The following NYNRIN variants were observed in gnomAD, a reference collection of about 807,000 sequenced individuals.
NYNRIN encodes the protein protein NYNRIN.
In NYNRIN, 86 loss-of-function variants were observed where a neutral mutation model predicts 146.6. That is an observed-to-expected ratio of 0.59 (90% CI 0.49 to 0.70). The LOEUF is 0.70. NYNRIN is among the 30% of genes least tolerant of loss of function. The pLI is 0.00. For synonymous variants in NYNRIN, 1,027 were observed against 1,001.3 expected, an observed-to-expected ratio of 1.03 and a Z score of -0.48; for missense variants, 2,191 against 2,377.7, an observed-to-expected ratio of 0.92 and a Z score of 1.63.
In NYNRIN at chr14:24,415,458, C is replaced by T. The variant is rs996683229; in HGVS notation, c.3709C>T (p.Arg1237Trp). The T allele has an allele frequency of 8.1e-6, 13 of 1,613,780 alleles. No individual in the cohort carries two copies. The highest frequency in any genetic ancestry group is 1.0e-5 in the Non-Finnish European group (12 of 1,179,866). ...PVVLDLSYAS[R>W]TTADPEVREG... Reference sequence around the variant, plus strand: ...GGTCCTGGACCTTTCCTATGCCTCCCGGACCACTGCGGACCCTGAGGTGCG... The same window carrying T: ...GGTCCTGGACCTTTCCTATGCCTCCTGGACCACTGCGGACCCTGAGGTGCG... Residue 1237 changes from arginine (R) to tryptophan (W), a missense_variant, in exon 9 of 9, where the codon CGG becomes TGG. Around this residue, in one of 3 missense-constraint regions of NYNRIN, gnomAD observed 1,291 missense variants for 1,417.0 expected, o/e 0.91. Coordinates refer to ENST00000382554, the MANE Select transcript of NYNRIN (RefSeq NM_025081.3).
Position 24,418,955 on chromosome 14 carries a change from C to T in NYNRIN, c.*1509C>T, listed in dbSNP as rs1018260228. On this transcript the variant is annotated 3_prime_UTR_variant, in exon 9 of 9. Coordinates refer to ENST00000382554, the MANE Select transcript of NYNRIN (RefSeq NM_025081.3). ...TGGAGAATCCTTCAAAATGCTACAC[C>T]CACATTCTCTCCAACTCTTCATCTC... 1.3e-5 allele frequency: 2 copies of T among 152,192 alleles called. No homozygotes were observed. The highest frequency in any genetic ancestry group is 2.4e-5 in the African/African-American group (1 of 41,428). The allele number at this position is 152,192 out of a possible 1,614,324, so 9.4% of individuals were successfully genotyped here.
At chr14:24,410,251 C>G in intron 4 of NYNRIN, 43 bp downstream of exon 4, 2 of 1,493,326 alleles carry the variant, frequency 1.3e-6, no homozygotes, top group South Asian at 1.3e-5. Flanking sequence ...ATGCTGTGGA[C>G]CTGGGGCAGG....
chr14:24,399,800 C>T (rs889878254), intron 2 of NYNRIN, among the ~76,000 whole-genome samples: 16 of 152,320 alleles, frequency 1.1e-4, no homozygotes, highest in African/African-American at 3.6e-4. Context: ...CAACTCAAGG[C>T]GCTGTATTTC....
In NYNRIN at chr14:24,409,829, A is replaced by C. The variant is rs868791706; in HGVS notation, c.2035A>C (p.Lys679Gln). The C allele has an allele frequency of 2.0e-5, 32 of 1,613,410 alleles. No individual in the cohort carries two copies. Among genetic ancestry groups the C allele is most frequent in the Middle Eastern group, 3.3e-4 (2 of 6,082 alleles). Residue 679 changes from lysine to glutamine, a missense_variant, in exon 4 of 9, where the codon AAA becomes CAA. Transcript: ENST00000382554. ...PVTPRVSRAP[K>Q]TPAAQKVPTD... is the part of the protein sequence containing the mutation. ...GACCCCCAGAGTCTCCAGAGCTCCC[A>C]AAACACCTGCAGCTCAGAAGGTGCC...
At chr14:24,412,711 C>T (rs946583223) in intron 6 of NYNRIN, 2 of 279,650 alleles carry the variant, frequency 7.2e-6, no homozygotes, top group Non-Finnish European at 1.4e-5. Flanking sequence ...TGTGTCTGTG[C>T]TTGTCTATGT....
chr14:24,407,319 A>G (rs369876350), intron 2 of NYNRIN, among the ~76,000 whole-genome samples: 3 of 152,222 alleles, frequency 2.0e-5, no homozygotes, highest in African/African-American at 4.8e-5. Context: ...CCAATGAGGC[A>G]GGAACTATTA....
chr14:24,409,727 G>A lies in NYNRIN; in HGVS notation c.1933G>A (p.Ala645Thr). ...ACCTGCAGGTCCCAAAACACCCAAA[G>A]CTCAAGCCGGGCCTGCAGCTACAGT... ...TSPAGPKTPK[A>T]QAGPAATVSK... The change falls in exon 4 of 9, where the codon GCT (alanine) becomes ACT (threonine). Residue 645 changes from alanine (A) to threonine (T), a missense_variant. Physicochemically the swap from Ala to Thr is moderately conservative, Grantham distance 58. This residue lies in a region of NYNRIN where 895 missense variants were observed against 941.2 expected (regional missense o/e 0.95). Coordinates refer to ENST00000382554, the MANE Select transcript of NYNRIN (RefSeq NM_025081.3). 1 of 1,607,916 alleles carries A rather than the reference G, an allele frequency of 6.2e-7. No homozygotes were observed. The highest frequency in any genetic ancestry group is 8.5e-7 in the Non-Finnish European group (1 of 1,177,124).
Position 24,408,980 on chromosome 14 carries a change from C to A in NYNRIN, c.1186C>A (p.Pro396Thr). Reference sequence around the variant, plus strand: ...CTTCAATTTCCCCTTCTGGCAGAGACCTCTGGGCCCCATTCAGTTGAAGCT... The same window carrying A: ...CTTCAATTTCCCCTTCTGGCAGAGAACTCTGGGCCCCATTCAGTTGAAGCT... ...ACFNFPFWQRPLGPIQLKLPG... is the reference protein window; with the variant it reads ...ACFNFPFWQRTLGPIQLKLPG... Residue 396 changes from proline (P) to threonine (T), a missense_variant, in exon 4 of 9, where the codon CCT becomes ACT. Around this residue, in one of 3 missense-constraint regions of NYNRIN, gnomAD observed 895 missense variants for 941.2 expected, o/e 0.95. Transcript: ENST00000382554. 6.2e-7 allele frequency: 1 copy of A among 1,613,918 alleles called. No individual in the cohort carries two copies. Among genetic ancestry groups the A allele is most frequent in the Non-Finnish European group, 8.5e-7 (1 of 1,179,872 alleles).
At position 24,418,022 on chromosome 14, in the gene NYNRIN, C is replaced by T; in HGVS notation, c.*576C>T. On this transcript the variant is annotated 3_prime_UTR_variant, in exon 9 of 9. Transcript: ENST00000382554. Reference sequence around the variant, plus strand: ...GTCAGCTTTCTCAAGCCAGGTGTGGCCTGCACAGCTCTCAGGGCAGGGCTG... The same window carrying T: ...GTCAGCTTTCTCAAGCCAGGTGTGGTCTGCACAGCTCTCAGGGCAGGGCTG... The T allele has an allele frequency of 3.2e-6, 1 of 314,794 alleles. No homozygotes were observed. The highest frequency in any genetic ancestry group is 2.4e-5 in the South Asian group (1 of 42,242). 19.5% of individuals were successfully genotyped at this position (314,794 alleles called of 1,614,324 possible).
chr14:24,409,475 A>G lies in NYNRIN; in HGVS notation c.1681A>G (p.Thr561Ala), dbSNP rs1369086851. The part of the protein sequence containing the change: ...AVPKAENPSR[T>A]QVPSAAPKLP... ...GCCCAAAGCTGAAAATCCCTCCAGA[A>G]CTCAAGTGCCATCTGCAGCTCCCAA... The change falls in exon 4 of 9, where the codon ACT becomes GCT. Residue 561 changes from threonine (T) to alanine (A), a missense_variant. Thr to Ala is a moderately conservative substitution (Grantham distance 58, BLOSUM62 0). Around this residue, in one of 3 missense-constraint regions of NYNRIN, gnomAD observed 895 missense variants for 941.2 expected, o/e 0.95. Transcript: ENST00000382554. 5 of 1,613,742 alleles carry G rather than the reference A, an allele frequency of 3.1e-6. No homozygotes were observed. The highest frequency in any genetic ancestry group is 1.7e-6 in the Non-Finnish European group (2 of 1,179,870).
Position 24,411,263 on chromosome 14 carries a change from G to T in NYNRIN, c.2545+57G>T, listed in dbSNP as rs1345628143. 2.5e-6 allele frequency: 4 copies of T among 1,611,908 alleles called. No homozygotes were observed. In the Admixed American group the frequency reaches 5.0e-5, roughly 20 times the overall value. ...AGTGTCACCAAGCTTTCTTCTCTCT[G>T]CCTTGCTGCCCCGACCCTCTGCCAC... On this transcript the variant is annotated intron_variant, in intron 5 of 8. Transcript: ENST00000382554. This position sits in a 1 kb window ranked among gnomAD's most constrained non-coding sequence, Gnocchi z 4.3.
intron 2 of NYNRIN, 146 bp downstream of exon 2, chr14:24,399,590 C>G: frequency 4.3e-6 from 3 of 702,252 alleles, no homozygotes; most frequent in Non-Finnish European, 4.8e-6. Context: ...GTGGGCCATC[C>G]TCCTGCCTCG....
chr14:24,410,038 G>A lies in NYNRIN; in HGVS notation c.2244G>A (p.Trp748Ter). ...QFQMEGLLGA[W>*]EGAPRQPPRH... is the part of the protein sequence containing the mutation. ...AGATGGAGGGGCTCCTGGGGGCTTGGGAGGGGGCCCCAAGGCAGCCACCTC... is the reference window on the plus strand; with the variant it reads ...AGATGGAGGGGCTCCTGGGGGCTTGAGAGGGGGCCCCAAGGCAGCCACCTC... Residue 748 changes from tryptophan (W) to a stop codon, truncating the protein, a stop_gained, in exon 4 of 9, where the codon TGG becomes TGA. Coordinates refer to ENST00000382554, the MANE Select transcript of NYNRIN (RefSeq NM_025081.3). LOFTEE classifies it high-confidence loss of function. 1 of 1,613,926 alleles carries A rather than the reference G, an allele frequency of 6.2e-7. No individual in the cohort carries two copies. Among genetic ancestry groups the A allele is most frequent in the Non-Finnish European group, 8.5e-7 (1 of 1,179,890 alleles).
intron 2 of NYNRIN, among the ~76,000 whole-genome samples, chr14:24,400,326 T>C (rs1329315217): frequency 3.3e-5 from 5 of 152,256 alleles, no homozygotes; most frequent in African/African-American, 1.2e-4. Context: ...CAGATTCCAC[T>C]GTCCCCCAAG....
chr14:24,409,363 C>G lies in NYNRIN; in HGVS notation c.1569C>G (p.Pro523=). 6.2e-7 allele frequency: 1 copy of G among 1,614,014 alleles called. No individual in the cohort carries two copies. Among genetic ancestry groups the G allele is most frequent in the Non-Finnish European group, 8.5e-7 (1 of 1,179,898 alleles). The change falls in exon 4 of 9, where the codon CCC becomes CCG. Residue 523 remains proline, a synonymous_variant. Coordinates refer to ENST00000382554, the MANE Select transcript of NYNRIN (RefSeq NM_025081.3). ...APVLPTGQGK[P]VAQGGLTDQS... ...TGCTGCCAACAGGGCAAGGGAAGCCCGTGGCTCAAGGGGGGCTGACAGATC... is the reference window on the plus strand; with the variant it reads ...TGCTGCCAACAGGGCAAGGGAAGCCGGTGGCTCAAGGGGGGCTGACAGATC...
At chr14:24,403,572 C>T (rs1294506597) in intron 2 of NYNRIN, among the ~76,000 whole-genome samples, 1 of 152,244 alleles carries the variant, frequency 6.6e-6, no homozygotes. Flanking sequence ...CTGCTTTCAA[C>T]ATGCCTGTCT....
Position 24,419,261 on chromosome 14 carries a change from G to T in NYNRIN, c.*1815G>T, listed in dbSNP as rs1416723358. The T allele has an allele frequency of 1.3e-5, 2 of 151,966 alleles. No individual in the cohort carries two copies. Among genetic ancestry groups the T allele is most frequent in the Non-Finnish European group, 1.5e-5 (1 of 68,012 alleles). 9.4% of individuals were successfully genotyped at this position (151,966 alleles called of 1,614,324 possible). A position where few individuals can be genotyped will look rare whatever the true frequency, so the allele number is the denominator to read the frequency against. On this transcript the variant is annotated 3_prime_UTR_variant, in exon 9 of 9. Coordinates refer to ENST00000382554, the MANE Select transcript of NYNRIN (RefSeq NM_025081.3). ...TAAGTGAATTTTTTTCATTTGATTT[G>T]TCAATAAACGAATCAAACTGGAGCT...
At position 24,416,692 on chromosome 14, in the gene NYNRIN, C is replaced by T. The variant is rs913013921; in HGVS notation, c.4943C>T (p.Ala1648Val). Reference protein sequence around the residue: ...VADPNTRWVEAFPLKPYTHTA... With the variant: ...VADPNTRWVEVFPLKPYTHTA... ...GACCCAAACACCAGGTGGGTGGAGGCATTCCCCCTGAAGCCCTACACACAC... is the reference window on the plus strand; with the variant it reads ...GACCCAAACACCAGGTGGGTGGAGGTATTCCCCCTGAAGCCCTACACACAC... The change falls in exon 9 of 9, where the codon GCA becomes GTA. Residue 1648 changes from alanine to valine, a missense_variant. This residue lies in a region of NYNRIN where 1,291 missense variants were observed against 1,417.0 expected (regional missense o/e 0.91). Coordinates refer to ENST00000382554, the MANE Select transcript of NYNRIN (RefSeq NM_025081.3). 5 of 1,613,798 alleles carry T rather than the reference C, an allele frequency of 3.1e-6. No homozygotes were observed. The highest frequency in any genetic ancestry group is 4.2e-6 in the Non-Finnish European group (5 of 1,179,872).
Position 24,409,027 on chromosome 14 carries a change from C to T in NYNRIN, c.1233C>T (p.Pro411=). 1 of 1,613,380 alleles carries T rather than the reference C, an allele frequency of 6.2e-7. No individual in the cohort carries two copies. The highest frequency in any genetic ancestry group is 1.7e-5 in the Admixed American group (1 of 59,924). ...QLKLPGQNPL[P]LNLEWKQKEL... ...AGCTGCCAGGGCAGAATCCTTTGCC[C>T]TTAAATCTGGAGTGGAAGCAGAAGG... Residue 411 remains proline, a synonymous_variant, in exon 4 of 9, where the codon CCC becomes CCT. Transcript: ENST00000382554.
Sources: allele counts gnomAD v4.1 joint callset (sites outside exome capture counted in the v4.1 genomes callset), GRCh38; gene constraint gnomAD v4.1.1; regional missense constraint gnomAD v4.1.1; non-coding constraint Gnocchi (gnomAD v3.1); transcripts MANE v1.5; gene names NCBI Gene and HGNC (gene_info 2026-07-23, HGNC 2026-07-21).